Variants in BCO1 observed in about 807,000 individuals in gnomAD.
BCO1 encodes beta-carotene oxygenase 1, also known as beta,beta-carotene 15,15'-dioxygenase.
A neutral mutation model predicts 56.3 loss-of-function variants in BCO1; 54 were observed. The ratio of observed to expected loss-of-function variants is 0.96; its 90% confidence interval spans 0.77 to 1.20. The LOEUF (loss-of-function observed/expected upper bound fraction) is 1.20, where lower values mean the gene tolerates loss of function less well. Among genes scored for constraint, BCO1 ranks in the 50% most tolerant of loss-of-function variants. The pLI is 0.00. For missense variants in BCO1, 801 were observed against 690.9 expected, an observed-to-expected ratio of 1.16 and a Z score of -1.79; for synonymous variants, 318 against 266.1, an observed-to-expected ratio of 1.20 and a Z score of -1.90.
At chr16:81,256,220 G>C (rs79301173) in intron 2 of BCO1, among the ~76,000 whole-genome samples, 5,278 of 152,096 alleles carry the variant, frequency 0.035, 298 homozygotes, top group African/African-American at 0.12. Context: ...GCCCAGCACA[G>C]TGTTTAGCAT....
Position 81,290,335 on chromosome 16 carries a change from T to C in BCO1, c.1415-13T>C. ...GCACTTTTACGAAGTGTTTTTTTTC[T>C]GTTTCCCTAAAGGAGTAATCTTATC... On this transcript the variant is annotated splice_polypyrimidine_tract_variant and intron_variant, in intron 10 of 10. Transcript: ENST00000258168. 1 of 1,605,548 alleles carries C rather than the reference T, an allele frequency of 6.2e-7. No individual in the cohort carries two copies. The highest frequency in any genetic ancestry group is 8.5e-7 in the Non-Finnish European group (1 of 1,172,240).
At chr16:81,279,494 C>G (rs549474973) in intron 7 of BCO1, among the ~76,000 whole-genome samples, 4 of 152,114 alleles carry the variant, frequency 2.6e-5, no homozygotes, top group Non-Finnish European at 5.9e-5. Flanking sequence ...ACAACGTCAT[C>G]AATAGAAGCA....
At chr16:81,287,447 T>G (rs746081408) in intron 10 of BCO1, 41 bp downstream of exon 10, 1 of 1,503,648 alleles carries the variant, frequency 6.7e-7, no homozygotes, top group Admixed American at 1.7e-5. Context: ...TGCACGTTAC[T>G]GCAGATCGCC....
intron 4 of BCO1, chr16:81,263,728 C>T (rs980569697): frequency 6.6e-6 from 1 of 152,208 alleles, no homozygotes; most frequent in Non-Finnish European, 1.5e-5. Flanking sequence ...CAAGCACATA[C>T]CTTTCCTGGG....
At chr16:81,272,353 C>A (rs1017725517) in intron 7 of BCO1, among the ~76,000 whole-genome samples, 1 of 151,024 alleles carries the variant, frequency 6.6e-6, no homozygotes, top group Admixed American at 6.6e-5. Flanking sequence ...CTCCTGACCT[C>A]ATGATCCGCC....
At position 81,268,015 on chromosome 16, in the gene BCO1, G is replaced by A. The variant is rs766086270; in HGVS notation, c.727G>A (p.Glu243Lys). 60 of 1,613,650 alleles carry A rather than the reference G, an allele frequency of 3.7e-5. 1 individual carries two copies. The South Asian group carries it at 5.4e-4, about 14-fold the overall frequency. ...PSYYHSFGVT[E>K]NYVIFLEQPF... is the part of the protein sequence containing the mutation. ...CTACTACCACAGCTTTGGAGTCACC[G>A]AGAACTATGTCATCTTCCTTGAGCA... Residue 243 changes from glutamate (E) to lysine (K), a missense_variant, in exon 6 of 11, where the codon GAG becomes AAG. Glu to Lys is a moderately conservative substitution (Grantham distance 56). Transcript: ENST00000258168.
intron 7 of BCO1, among the ~76,000 whole-genome samples, chr16:81,277,695 T>C (rs897520408): frequency 2.0e-5 from 3 of 152,192 alleles, no homozygotes; most frequent in Non-Finnish European, 4.4e-5. Flanking sequence ...TGACTGCTTC[T>C]TATGAGAGTT....
At chr16:81,268,793 T>C (rs1216633244) in intron 6 of BCO1, among the ~76,000 whole-genome samples, 1 of 152,092 alleles carries the variant, frequency 6.6e-6, no homozygotes, top group Non-Finnish European at 1.5e-5. Flanking sequence ...GGGGGGTTGT[T>C]TTTGAGACAG....
intron 5 of BCO1, among the ~76,000 whole-genome samples, chr16:81,266,258 CTG>C (rs1906822783): frequency 6.6e-6 from 1 of 152,178 alleles, no homozygotes; most frequent in South Asian, 2.1e-4. Flanking sequence ...CCCAGGCTGA[CTG>C]TGATTGCATG....
chr16:81,256,752 G>T (rs796409186), intron 2 of BCO1, among the ~76,000 whole-genome samples: 1 of 152,100 alleles, frequency 6.6e-6, no homozygotes. Context: ...GTCGGACATG[G>T]TGGCACATGC....
chr16:81,250,068 C>A (rs139880091), intron 2 of BCO1, among the ~76,000 whole-genome samples: 4 of 152,288 alleles, frequency 2.6e-5, no homozygotes, highest in African/African-American at 9.6e-5. Context: ...TTTGCTGGGC[C>A]CTGCCCCAAG....
chr16:81,255,493 ATT>A (rs59941695), intron 2 of BCO1, among the ~76,000 whole-genome samples: 2 of 150,996 alleles, frequency 1.3e-5, no homozygotes, highest in African/African-American at 4.9e-5. Flanking sequence ...ACATTATGTT[ATT>A]TTTTTTTATT....
intron 2 of BCO1, 100 bp downstream of exon 2, chr16:81,245,703 A>G (rs1439355297): frequency 6.7e-7 from 1 of 1,487,904 alleles, no homozygotes; most frequent in Non-Finnish European, 9.2e-7. Flanking sequence ...ATTGGAGGTC[A>G]GAAGTCTAAA....
intron 8 of BCO1, among the ~76,000 whole-genome samples, chr16:81,281,761 C>G (rs888475291): frequency 6.6e-6 from 1 of 152,184 alleles, no homozygotes; most frequent in Admixed American, 6.5e-5. Context: ...GCAGTGGGTG[C>G]TGTCCAGGGA....
intron 1 of BCO1, among the ~76,000 whole-genome samples, 170 bp downstream of exon 1, chr16:81,239,142 G>A (rs892866782): frequency 6.6e-6 from 1 of 151,390 alleles, no homozygotes; most frequent in African/African-American, 2.4e-5. Flanking sequence ...ACAGCCTCCC[G>A]AGTAGCTGAG....
intron 1 of BCO1, among the ~76,000 whole-genome samples, chr16:81,239,990 A>C (rs556359643): frequency 1.2e-4 from 19 of 152,128 alleles, no homozygotes; most frequent in Non-Finnish European, 5.9e-5. Flanking sequence ...AGGAGAGGAC[A>C]ACTGTGAGTG....
chr16:81,245,021 G>A (rs957230648), intron 1 of BCO1, among the ~76,000 whole-genome samples: 2 of 152,122 alleles, frequency 1.3e-5, no homozygotes, highest in Non-Finnish European at 2.9e-5. Flanking sequence ...CTCCCGAGTA[G>A]CTGGGATTAC....
rs752254076 is a variant in BCO1 at position 81,289,334 on chromosome 16, T to C, written c.1415-1014T>C. ...CACTGCTACATGTGCAAGAGATGAA[T>C]TGGGCCCATTGAAATGCCATTCTTC... is the stretch of plus-strand genomic sequence containing the variant. On this transcript the variant is annotated intron_variant, in intron 10 of 10. Transcript: ENST00000258168. 2.6e-4 allele frequency among the ~76,000 whole-genome samples: 39 copies of C among 152,276 alleles called. 1 individual carries two copies. Among genetic ancestry groups the C allele is most frequent in the Admixed American group, 7.9e-4 (12 of 15,278 alleles).
intron 1 of BCO1, among the ~76,000 whole-genome samples, chr16:81,241,553 C>G (rs1905108347): frequency 6.6e-6 from 1 of 152,202 alleles, no homozygotes; most frequent in African/African-American, 2.4e-5. Context: ...TCCTTGGGCC[C>G]TACCCAGACC....
Sources: allele counts gnomAD v4.1 joint callset (sites outside exome capture counted in the v4.1 genomes callset), GRCh38; gene constraint gnomAD v4.1.1; transcripts MANE v1.5; gene names NCBI Gene and HGNC (gene_info 2026-07-23, HGNC 2026-07-21).